Variants in FOCAD observed in about 807,000 individuals in gnomAD.
FOCAD encodes focadhesin.
FOCAD carries 198 observed loss-of-function variants against 225.6 expected under a neutral mutation model. The observed-to-expected ratio is 0.88, with a 90% CI of 0.78 to 0.99. The LOEUF (loss-of-function observed/expected upper bound fraction) is 0.99. Among genes scored for constraint, FOCAD ranks in the 50% least tolerant of loss-of-function variants. The pLI is 0.00. For synonymous variants in FOCAD, 897 were observed against 755.0 expected (o/e 1.19, Z -3.08); for missense variants, 2,713 against 2,123.6 (o/e 1.28, Z -5.46).
At chr9:20,946,002 G>C (rs1002027766) in intron 29 of FOCAD, among the ~76,000 whole-genome samples, 1 of 152,062 alleles carries the variant, frequency 6.6e-6, no homozygotes, top group Non-Finnish European at 1.5e-5. Context: ...AAGTTACTAC[G>C]CTAGTAAATG....
chr9:20,745,002 T>G (rs1490829245), intron 5 of FOCAD, among the ~76,000 whole-genome samples: 1 of 152,190 alleles, frequency 6.6e-6, no homozygotes, highest in Non-Finnish European at 1.5e-5. Flanking sequence ...CTATGTAGTA[T>G]CCTTTAGTTC....
At chr9:20,863,625 G>C (rs915215304) in intron 16 of FOCAD, 2 of 151,698 alleles carry the variant, frequency 1.3e-5, no homozygotes, top group Non-Finnish European at 2.9e-5. Flanking sequence ...CCTTTTTTTA[G>C]GGTCTTAAAA....
At chr9:20,713,757 T>G (rs1293910467) in intron 1 of FOCAD, among the ~76,000 whole-genome samples, 1 of 152,200 alleles carries the variant, frequency 6.6e-6, no homozygotes, top group Non-Finnish European at 1.5e-5. Flanking sequence ...CATAGAATCT[T>G]TCTTTCACCC....
chr9:20,674,380 A>T (rs1260875646), intron 2 of FOCAD, among the ~76,000 whole-genome samples: 1 of 152,208 alleles, frequency 6.6e-6, no homozygotes, highest in Non-Finnish European at 1.5e-5. Flanking sequence ...TATTTATACC[A>T]TGGAAGTTGG....
At chr9:20,786,490 C>A (rs1819935914) in intron 10 of FOCAD, among the ~76,000 whole-genome samples, 1 of 152,142 alleles carries the variant, frequency 6.6e-6, no homozygotes, top group South Asian at 2.1e-4. Flanking sequence ...GTAGTCCAGT[C>A]TTCTGCTGCT....
At chr9:20,783,284 G>A (rs10964696) in intron 10 of FOCAD, among the ~76,000 whole-genome samples, 127,831 of 152,182 alleles carry the variant, frequency 0.84, 53,795 homozygotes, top group Admixed American at 0.9. Flanking sequence ...TATTAGGGCT[G>A]TAAATATCCT....
chr9:20,981,441 T>C lies in FOCAD; in HGVS notation c.4393T>C (p.Tyr1465His). The stretch of plus-strand genomic sequence containing the variant: ...TTACTTCCAGCTGAATACCAAGAGA[T>C]ATCTCCTGATATCTGCACCTCTGTG... ...IHSLSLNTKR[Y>H]LLISAPLWIK... Residue 1465 changes from tyrosine to histidine, a missense_variant, in exon 38 of 44, where the codon TAT (tyrosine) becomes CAT (histidine). By Grantham distance (83) the Tyr-to-His change is moderately conservative (BLOSUM62 2). Transcript: ENST00000338382. 6.2e-7 allele frequency: 1 copy of C among 1,614,108 alleles called. No homozygotes were observed. Among genetic ancestry groups the C allele is most frequent in the Middle Eastern group, 1.7e-4 (1 of 6,058 alleles).
chr9:20,890,972 T>C (rs1000609249), intron 21 of FOCAD, among the ~76,000 whole-genome samples: 1 of 152,136 alleles, frequency 6.6e-6, no homozygotes, highest in Non-Finnish European at 1.5e-5. Flanking sequence ...AGCCCTGTAT[T>C]GAGCAATTAT....
chr9:20,949,530 T>G, intron 32 of FOCAD, 74 bp from the exon 33 acceptor site: 1 of 959,478 alleles, frequency 1.0e-6, no homozygotes, highest in Non-Finnish European at 1.6e-6. Flanking sequence ...GATGGATAGC[T>G]CATGCACCGG....
At chr9:20,901,734 T>A (rs1251638034) in intron 21 of FOCAD, among the ~76,000 whole-genome samples, 2 of 151,914 alleles carry the variant, frequency 1.3e-5, no homozygotes, top group Non-Finnish European at 2.9e-5. Flanking sequence ...TTTCCTGTTG[T>A]GATAGTATTT....
chr9:20,910,763 T>G (rs1322860708), intron 22 of FOCAD, among the ~76,000 whole-genome samples: 1 of 152,030 alleles, frequency 6.6e-6, no homozygotes, highest in East Asian at 1.9e-4. Flanking sequence ...AAGTCAAGAA[T>G]TGGAAGGCGC....
chr9:20,656,465 A>G (rs1439038721), upstream of FOCAD, among the ~76,000 whole-genome samples: 2 of 152,124 alleles, frequency 1.3e-5, no homozygotes, highest in East Asian at 3.8e-4. Context: ...GTGCTCCTGT[A>G]TTGGGTGTAT....
chr9:20,677,683 TAACAAGTGTTAAGGATGTGGAGAAAAGGG>T (rs1486957484), intron 2 of FOCAD, among the ~76,000 whole-genome samples: 1 of 152,158 alleles, frequency 6.6e-6, no homozygotes, highest in African/African-American at 2.4e-5. Context: ...TTAGAAAAGG[TAACAAGTGTTAAGGATGTGGAGAAAAGGG>T]AACACTTACA....
In FOCAD at chr9:20,751,793, A is replaced by C. The variant is rs1453346310; in HGVS notation, c.393-6297A>C. Among the ~76,000 whole-genome samples the C allele has an allele frequency of 2.0e-5, 3 of 148,224 alleles. No individual in the cohort carries two copies. The Admixed American group carries it at 2.0e-4, about 10-fold the overall frequency. On this transcript the variant is annotated intron_variant, in intron 5 of 43. Coordinates refer to ENST00000338382, the MANE Select transcript of FOCAD (RefSeq NM_001375567.1). ...CCACCAACAGTGTAAAAGTGTTCCT[A>C]TTACTCCACATCCTCTCCAGCACCT...
intron 4 of FOCAD, among the ~76,000 whole-genome samples, chr9:20,736,718 C>G (rs1827180442): frequency 6.6e-6 from 1 of 152,058 alleles, no homozygotes; most frequent in South Asian, 2.1e-4. Flanking sequence ...ATGTAATTTA[C>G]TGACATACTA....
At chr9:20,768,967 C>T (rs576005891) in intron 7 of FOCAD, among the ~76,000 whole-genome samples, 1 of 152,098 alleles carries the variant, frequency 6.6e-6, no homozygotes, top group African/African-American at 2.4e-5. Context: ...GTCTTTTGAA[C>T]CTTTTTTTGT....
intron 5 of FOCAD, among the ~76,000 whole-genome samples, chr9:20,743,775 A>G (rs1441124354): frequency 6.6e-6 from 1 of 152,182 alleles, no homozygotes; most frequent in Non-Finnish European, 1.5e-5. Flanking sequence ...GAAATATGTC[A>G]TTTGTGGATT....
At chr9:20,993,110 G>T (rs530682114) in intron 42 of FOCAD, 143 bp from the exon 43 acceptor site, 2 of 625,454 alleles carry the variant, frequency 3.2e-6, no homozygotes, top group South Asian at 3.8e-5. Context: ...CCTGGGGAAG[G>T]TATTGCCTAA....
chr9:20,750,946 G>A (rs1338575983), intron 5 of FOCAD, among the ~76,000 whole-genome samples: 1 of 152,032 alleles, frequency 6.6e-6, no homozygotes, highest in Non-Finnish European at 1.5e-5. Context: ...GTTTTAATGG[G>A]TGGCTTGGGT....
Sources: gnomAD v4.1 joint callset for allele counts (sites outside exome capture counted in the v4.1 genomes callset) on GRCh38, gnomAD v4.1.1 for gene constraint, MANE v1.5 for transcripts, NCBI Gene and HGNC (gene_info 2026-07-23, HGNC 2026-07-21) for gene names.